The following SLC26A6 variants were observed in gnomAD, a reference collection of about 807,000 sequenced individuals.
SLC26A6 encodes the protein anion exchange transporter.
In SLC26A6, 67 loss-of-function variants were observed where a neutral mutation model predicts 87.1. The observed-to-expected ratio is 0.77, with a 90% CI of 0.63 to 0.94. SLC26A6 has a LOEUF of 0.94. Ranked by LOEUF, SLC26A6 falls within the 40% of genes least tolerant of loss-of-function variation. The pLI is 0.00. For missense variants in SLC26A6, 902 were observed against 973.0 expected, an observed-to-expected ratio of 0.93 and a Z score of 0.97; for synonymous variants, 414 against 405.9, an observed-to-expected ratio of 1.02 and a Z score of -0.24.
intron 3 of SLC26A6, 82 bp downstream of exon 3, chr3:48,633,169 G>A: frequency 6.3e-7 from 1 of 1,586,302 alleles, no homozygotes; most frequent in Non-Finnish European, 8.6e-7. Flanking sequence ...AGGTGCCATA[G>A]TTCCAAGGTA....
chr3:48,632,062 G>A lies in SLC26A6; in HGVS notation c.586-18C>T. On this transcript the variant is annotated intron_variant, in intron 5 of 20. Transcript: ENST00000395550. ...AGCCCCACCTGTGGGGCGGCCAGGG[G>A]CAGTCAGGAGAGGCAGGGGTCCTGG... 1.2e-6 allele frequency: 2 copies of A among 1,612,440 alleles called. No individual in the cohort carries two copies. Among genetic ancestry groups the A allele is most frequent in the South Asian group, 1.1e-5 (1 of 91,068 alleles).
In SLC26A6 at chr3:48,633,098, G is replaced by A. The variant is rs1357201592; in HGVS notation, c.323-14C>T. 6.2e-7 allele frequency: 1 copy of A among 1,607,772 alleles called. No individual in the cohort carries two copies. The highest frequency in any genetic ancestry group is 1.3e-5 in the African/African-American group (1 of 74,918). On this transcript the variant is annotated splice_polypyrimidine_tract_variant and intron_variant, in intron 3 of 20. Transcript: ENST00000395550. ...CGTAGGCCAAGCCTAGGGGTAGAAT[G>A]GTAGCAGTGCAGGCCTGGAGAGCAG...
intron 1 of SLC26A6, among the ~76,000 whole-genome samples, chr3:48,634,576 G>C (rs918937992): frequency 6.6e-6 from 1 of 152,228 alleles, no homozygotes; most frequent in Non-Finnish European, 1.5e-5. Flanking sequence ...ACGTGGAATG[G>C]GGAAAAGCTG....
In SLC26A6 at chr3:48,628,173, G is replaced by T; in HGVS notation, c.1801-135C>A. ...ACCAGAAGCTGTGGGACCTGCAGCA[G>T]CCAGGCTGAAGCTCCTGGAACAGCC... On this transcript the variant is annotated intron_variant, in intron 16 of 20. Coordinates refer to ENST00000395550, the MANE Select transcript of SLC26A6 (RefSeq NM_022911.3). This position sits in a 1 kb window ranked among gnomAD's most constrained non-coding sequence, Gnocchi z 4.4. 1 of 862,452 alleles carries T rather than the reference G, an allele frequency of 1.2e-6. No homozygotes were observed. Among genetic ancestry groups the T allele is most frequent in the Non-Finnish European group, 1.8e-6 (1 of 561,802 alleles). The allele number at this position is 862,452 out of a possible 1,614,324, so 53.4% of individuals were successfully genotyped here. A position where few individuals can be genotyped will look rare whatever the true frequency, so the allele number is the denominator to read the frequency against.
rs919419870 is a variant in SLC26A6 at position 48,628,765 on chromosome 3, C to CA, written c.1600-52dup. On this transcript the variant is annotated intron_variant, in intron 14 of 20. Coordinates refer to ENST00000395550, the MANE Select transcript of SLC26A6 (RefSeq NM_022911.3). This position sits in a 1 kb window ranked among gnomAD's most constrained non-coding sequence, Gnocchi z 4.4. Reference sequence around the variant, plus strand: ...GGCTGAATCTCCTCTCTCCTGGCTGCATCCTGTTCTCCTGCCTTTCCTTCC... The same window carrying CA: ...GGCTGAATCTCCTCTCTCCTGGCTGCAATCCTGTTCTCCTGCCTTTCCTTCC... 3.2e-6 allele frequency: 5 copies of CA among 1,582,358 alleles called. No individual in the cohort carries two copies. The highest frequency in any genetic ancestry group is 3.4e-6 in the Non-Finnish European group (4 of 1,162,050).
rs753167258 is a variant in SLC26A6, at chr3:48,631,949, G to A, written c.681C>T (p.Phe227=). 44 of 1,613,460 alleles carry A rather than the reference G, an allele frequency of 2.7e-5. No individual in the cohort carries two copies. Among genetic ancestry groups the A allele is most frequent in the Non-Finnish European group, 3.1e-5 (37 of 1,180,036 alleles). ...CAAACACATACTTGAGCTGTGAGAC[G>A]AAGACCTGCACAGCTGCAGCTGTGG... ...GYTTAAAVQV[F]VSQLKYVFGL... The change falls in exon 6 of 21, where the codon TTC becomes TTT. Residue 227 remains phenylalanine, a synonymous_variant. Transcript: ENST00000395550.
At position 48,631,306 on chromosome 3, in the gene SLC26A6, G is replaced by C; in HGVS notation, c.904C>G (p.Leu302Val). The C allele has an allele frequency of 6.3e-7, 1 of 1,587,160 alleles. No homozygotes were observed. The highest frequency in any genetic ancestry group is 8.6e-7 in the Non-Finnish European group (1 of 1,165,934). The change falls in exon 8 of 21, where the codon CTC becomes GTC. Residue 302 changes from leucine (L) to valine (V), a missense_variant and splice_region_variant. By Grantham distance (32) the Leu-to-Val change is conservative. Around this residue, in one of 3 missense-constraint regions of SLC26A6, gnomAD observed 800 missense variants for 856.8 expected, o/e 0.93. Transcript: ENST00000395550. Reference protein sequence around the residue: ...PMPIPGELLTLIGATGISYGM... With the variant: ...PMPIPGELLTVIGATGISYGM... ...TAGGAGATGCCTGTGGCCCCGATGAGCTGTGGGAGAGGACAGAGTCAGGGA... is the reference window on the plus strand; with the variant it reads ...TAGGAGATGCCTGTGGCCCCGATGACCTGTGGGAGAGGACAGAGTCAGGGA...
At chr3:48,634,720 C>G (rs2046905897) in intron 1 of SLC26A6, 1 of 985,222 alleles carries the variant, frequency 1.0e-6, no homozygotes, top group East Asian at 1.1e-4. Context: ...ATTTGAGGGA[C>G]AGGAACTCAC....
chr3:48,632,874 CT>C lies in SLC26A6; in HGVS notation c.433+99del. 3 of 1,213,594 alleles carry C rather than the reference CT, an allele frequency of 2.5e-6. No homozygotes were observed. The South Asian group carries it at 4.0e-5, about 16-fold the overall frequency. 75.2% of individuals were successfully genotyped at this position (1,213,594 alleles called of 1,614,324 possible). A position where few individuals can be genotyped will look rare whatever the true frequency, so the allele number is the denominator to read the frequency against. On this transcript the variant is annotated intron_variant, in intron 4 of 20. Coordinates refer to ENST00000395550, the MANE Select transcript of SLC26A6 (RefSeq NM_022911.3). ...CCAGGGATGCAGCACCAATGCTGCC[CT>C]CTTCCCCAGCCGCTCCTGCCCTGCT...
chr3:48,629,800 G>A, intron 13 of SLC26A6, 72 bp downstream of exon 13: 1 of 1,609,904 alleles, frequency 6.2e-7, no homozygotes, highest in Non-Finnish European at 8.5e-7. Context: ...CCAGAGATGT[G>A]GGGAAAGCTG....
At position 48,629,647 on chromosome 3, in the gene SLC26A6, A is replaced by G; in HGVS notation, c.1594T>C (p.Ser532Pro). Residue 532 changes from serine (S) to proline (P), a missense_variant, in exon 14 of 21, where the codon TCA becomes CCA. Around this residue, in one of 3 missense-constraint regions of SLC26A6, gnomAD observed 800 missense variants for 856.8 expected, o/e 0.93. Coordinates refer to ENST00000395550, the MANE Select transcript of SLC26A6 (RefSeq NM_022911.3). ...TDIYRDVAEYSEAKEVRGVKV... is the reference protein window; with the variant it reads ...TDIYRDVAEYPEAKEVRGVKV... Reference sequence around the variant, plus strand: ...ACTCAGCCCCTGACACTCACCTCTGAGTACTCTGCCACATCTCTGTAAATA... The same window carrying G: ...ACTCAGCCCCTGACACTCACCTCTGGGTACTCTGCCACATCTCTGTAAATA... 3 of 1,612,188 alleles carry G rather than the reference A, an allele frequency of 1.9e-6. No individual in the cohort carries two copies. Among genetic ancestry groups the G allele is most frequent in the Non-Finnish European group, 2.5e-6 (3 of 1,179,066 alleles).
chr3:48,628,403 G>C lies in SLC26A6; in HGVS notation c.1800+31C>G, dbSNP rs1559465250. Reference sequence around the variant, plus strand: ...CTGGGGCAGGGAACAGGGGGCAGGAGATGGGGGTCACCAGACAAAAGGGGC... The same window carrying C: ...CTGGGGCAGGGAACAGGGGGCAGGACATGGGGGTCACCAGACAAAAGGGGC... On this transcript the variant is annotated intron_variant, in intron 16 of 20. Coordinates refer to ENST00000395550, the MANE Select transcript of SLC26A6 (RefSeq NM_022911.3). This position sits in a 1 kb window ranked among gnomAD's most constrained non-coding sequence, Gnocchi z 4.4. 1.2e-6 allele frequency: 2 copies of C among 1,612,754 alleles called. No individual in the cohort carries two copies. Among genetic ancestry groups the C allele is most frequent in the Non-Finnish European group, 1.7e-6 (2 of 1,179,800 alleles).
chr3:48,633,129 G>A, intron 3 of SLC26A6, 45 bp from the exon 4 acceptor site: 1 of 1,589,878 alleles, frequency 6.3e-7, no homozygotes, highest in South Asian at 1.1e-5. Flanking sequence ...AGCAGATCTT[G>A]AAACGATAAG....
At chr3:48,629,740 A>G in intron 13 of SLC26A6, 29 bp from the exon 14 acceptor site, 3 of 1,611,962 alleles carry the variant, frequency 1.9e-6, no homozygotes, top group African/African-American at 1.3e-5. Flanking sequence ...ATGCACGAAG[A>G]GGGGGCAGAA....
At position 48,626,286 on chromosome 3, in the gene SLC26A6, CAA is replaced by C. The variant is rs762844055; in HGVS notation, c.2195_2196del (p.Phe732CysfsTer5). 46 of 1,613,878 alleles carry C rather than the reference CAA, an allele frequency of 2.9e-5. No individual in the cohort carries two copies. Among genetic ancestry groups the C allele is most frequent in the African/African-American group, 5.3e-5 (4 of 74,852 alleles). On this transcript the variant is annotated frameshift_variant, in exon 20 of 21. Coordinates refer to ENST00000395550, the MANE Select transcript of SLC26A6 (RefSeq NM_022911.3). LOFTEE classifies it high-confidence loss of function. ...FDASITKKHL[F>X]ASVHDAVTFA... ...AAGGTGACAGCATCATGGACAGAGG[CAA>C]AGAGATGCTTCTTGGTGATGGATGC...
Position 48,630,135 on chromosome 3 carries a change from A to G in SLC26A6, c.1349T>C (p.Ile450Thr). 1 of 1,609,454 alleles carries G rather than the reference A, an allele frequency of 6.2e-7. No homozygotes were observed. Among genetic ancestry groups the G allele is most frequent in the Non-Finnish European group, 8.5e-7 (1 of 1,176,558 alleles). The change falls in exon 12 of 21, where the codon ATT becomes ACT. Residue 450 changes from isoleucine to threonine, a missense_variant. Ile to Thr is a moderately conservative substitution (Grantham distance 89, BLOSUM62 -1). Around this residue, in one of 3 missense-constraint regions of SLC26A6, gnomAD observed 800 missense variants for 856.8 expected, o/e 0.93. Transcript: ENST00000395550. ...LPKAVLAAIIIVNLKGMLRQL... is the reference protein window; with the variant it reads ...LPKAVLAAIITVNLKGMLRQL... ...CCTCAGCATGCCCTTCAGGTTCACA[A>G]TGATGATGGCTGCCAGGACCGCCTG...
Position 48,631,322 on chromosome 3 carries a change from G to T in SLC26A6, c.904-16C>A. 6.4e-7 allele frequency: 1 copy of T among 1,557,772 alleles called. No homozygotes were observed. Among genetic ancestry groups the T allele is most frequent in the African/African-American group, 1.4e-5 (1 of 73,520 alleles). On this transcript the variant is annotated splice_polypyrimidine_tract_variant and intron_variant, in intron 7 of 20. Transcript: ENST00000395550. The stretch of plus-strand genomic sequence containing the variant: ...CCCCGATGAGCTGTGGGAGAGGACA[G>T]AGTCAGGGAGGCAGGTGCTGGCACC...
Position 48,635,383 on chromosome 3 carries a change from G to A in SLC26A6, c.11C>T (p.Ala4Val), listed in dbSNP as rs866681078. The change falls in exon 1 of 21, where the codon GCG becomes GTG. Residue 4 changes from alanine (A) to valine (V), a missense_variant. Physicochemically the swap from Ala to Val is moderately conservative, Grantham distance 64. Transcript: ENST00000395550. MGL[A>V]DASGPRDTQA... ...GCGCTGAACTCACCCCGACGCATCC[G>A]CCAGCCCCATGGCTCGCAAGTTGTC... 1.3e-6 allele frequency: 2 copies of A among 1,586,776 alleles called. No individual in the cohort carries two copies. The highest frequency in any genetic ancestry group is 2.3e-5 in the East Asian group (1 of 43,338).
chr3:48,630,880 C>T (rs886883596), intron 9 of SLC26A6, 113 bp downstream of exon 9: 1 of 1,545,530 alleles, frequency 6.5e-7, no homozygotes, highest in Admixed American at 1.7e-5. Flanking sequence ...CTCAGTCCCC[C>T]ACGTGGCCTC....
Sources: gnomAD v4.1 joint callset for allele counts (sites outside exome capture counted in the v4.1 genomes callset) on GRCh38, gnomAD v4.1.1 for gene constraint, gnomAD v4.1.1 regional missense constraint, Gnocchi (gnomAD v3.1) non-coding constraint, MANE v1.5 for transcripts, NCBI Gene and HGNC (gene_info 2026-07-23, HGNC 2026-07-21) for gene names.